Variants in DNAH11 observed in about 807,000 individuals in gnomAD.
DNAH11 encodes axonemal beta dynein heavy chain 11.
DNAH11 carries 442 observed loss-of-function variants against 526.0 expected under a neutral mutation model. The observed-to-expected ratio is 0.84, with a 90% CI of 0.78 to 0.91. The LOEUF (loss-of-function observed/expected upper bound fraction) is 0.91. Ranked by LOEUF, DNAH11 falls within the 40% of genes least tolerant of loss-of-function variation. The pLI is 0.00. For missense variants in DNAH11, 6,989 were observed against 5,448.7 expected (o/e 1.28, Z -8.90); for synonymous variants, 2,461 against 1,935.9 (o/e 1.27, Z -7.12).
intron 51 of DNAH11, among the ~76,000 whole-genome samples, chr7:21,746,944 G>C (rs765312649): frequency 2.6e-5 from 4 of 152,182 alleles, no homozygotes; most frequent in Non-Finnish European, 5.9e-5. Flanking sequence ...CTGAGGAAAA[G>C]AGTTTTCCCA....
At chr7:21,753,663 T>G (rs868648869) in intron 54 of DNAH11, among the ~76,000 whole-genome samples, 2 of 152,340 alleles carry the variant, frequency 1.3e-5, no homozygotes, top group South Asian at 2.1e-4. Context: ...TTCTAAATTC[T>G]CTGTTCTCTT....
intron 25 of DNAH11, among the ~76,000 whole-genome samples, chr7:21,626,745 C>CTTTTTTTTTTTTT: frequency 1.5e-5 from 1 of 66,386 alleles, no homozygotes; most frequent in Non-Finnish European, 2.7e-5. Flanking sequence ...TTCTGTATGT[C>CTTTTTTTTTTTTT]TTTTTTTTTT....
chr7:21,582,429 A>G (rs1439460699), intron 9 of DNAH11, among the ~76,000 whole-genome samples: 2 of 152,318 alleles, frequency 1.3e-5, no homozygotes, highest in East Asian at 3.9e-4. Flanking sequence ...AACAAATAGC[A>G]ATTTATATAC....
At chr7:21,650,320 T>C (rs982096541) in intron 28 of DNAH11, among the ~76,000 whole-genome samples, 4 of 152,170 alleles carry the variant, frequency 2.6e-5, no homozygotes, top group Admixed American at 1.3e-4. Context: ...GCATGTTCAT[T>C]ATTGAACGTT....
rs1784681432 is a variant in DNAH11 at position 21,591,421 on chromosome 7, C to T, written c.2511C>T (p.Ile837=). ...VERTQKNVKV[I]QQTMRGWARC... ...GCACACAGAAAAACGTGAAGGTGAT[C>T]CAGCAGACCATGAGGGGCTGGGCCA... The change falls in exon 14 of 82, where the codon ATC becomes ATT. Residue 837 remains isoleucine (I), a synonymous_variant. Transcript: ENST00000409508. The T allele has an allele frequency of 2.5e-6, 4 of 1,613,800 alleles. No individual in the cohort carries two copies. The highest frequency in any genetic ancestry group is 3.4e-6 in the Non-Finnish European group (4 of 1,179,882).
intron 65 of DNAH11, among the ~76,000 whole-genome samples, chr7:21,826,352 A>G (rs1790299333): frequency 6.6e-6 from 1 of 152,238 alleles, no homozygotes; most frequent in Non-Finnish European, 1.5e-5. Context: ...ATGGTAAAAT[A>G]AAAATTAGAT....
Position 21,574,620 on chromosome 7 carries a change from A to G in DNAH11, c.1593+2647A>G, listed in dbSNP as rs1227411924. On this transcript the variant is annotated intron_variant, in intron 8 of 81. Transcript: ENST00000409508. ...ACTCTGTCGCCCAGGCTGGAGTGCA[A>G]TGGTGCGATCTTAGCTCACTGCAAC... is the stretch of plus-strand genomic sequence containing the variant. Among the ~76,000 whole-genome samples the G allele has an allele frequency of 4.9e-5, 7 of 142,754 alleles. No individual in the cohort carries two copies. The South Asian group carries it at 6.7e-4, about 14-fold the overall frequency. 93.7% of individuals were successfully genotyped at this position (142,754 alleles called of 152,430 possible).
At chr7:21,559,059 T>G in intron 3 of DNAH11, 61 bp downstream of exon 3, 3 of 1,433,142 alleles carry the variant, frequency 2.1e-6, no homozygotes, top group Non-Finnish European at 2.8e-6. Context: ...GCACGGTGGC[T>G]CATGCCTATA....
At chr7:21,738,897 C>CA (rs1231203238) in intron 47 of DNAH11, 31 bp downstream of exon 47, 2 of 1,486,954 alleles carry the variant, frequency 1.3e-6, no homozygotes, top group Non-Finnish European at 9.0e-7. Context: ...TACTCTCTCC[C>CA]AAAATCTAAT....
At chr7:21,858,951 C>T (rs958679498) in intron 68 of DNAH11, among the ~76,000 whole-genome samples, 1 of 152,132 alleles carries the variant, frequency 6.6e-6, no homozygotes, top group Non-Finnish European at 1.5e-5. Context: ...AACCAGAATG[C>T]TCCAAAATCT....
intron 61 of DNAH11, among the ~76,000 whole-genome samples, chr7:21,799,393 A>G (rs1351904535): frequency 6.6e-6 from 1 of 151,968 alleles, no homozygotes; most frequent in East Asian, 1.9e-4. Flanking sequence ...ACTGGAGTGC[A>G]ATGGCATGAT....
intron 44 of DNAH11, 55 bp downstream of exon 44, chr7:21,720,911 C>T (rs1207740451): frequency 1.9e-6 from 3 of 1,584,632 alleles, no homozygotes; most frequent in South Asian, 2.3e-5. Context: ...GGGACAGGGT[C>T]ATGGGGAGGT....
chr7:21,622,531 A>C (rs1441745856), intron 25 of DNAH11, among the ~76,000 whole-genome samples: 1 of 152,232 alleles, frequency 6.6e-6, no homozygotes, highest in Non-Finnish European at 1.5e-5. Context: ...AAGCCAAAAG[A>C]ACAAGCCTGG....
chr7:21,826,433 A>G (rs915215697), intron 65 of DNAH11, among the ~76,000 whole-genome samples: 1 of 152,208 alleles, frequency 6.6e-6, no homozygotes, highest in Non-Finnish European at 1.5e-5. Context: ...AAGAAAATTA[A>G]GGGGAAAATG....
At chr7:21,622,307 A>G (rs542181486) in intron 25 of DNAH11, among the ~76,000 whole-genome samples, 3,652 of 152,030 alleles carry the variant, frequency 0.024, 137 homozygotes, top group African/African-American at 0.083. Context: ...CCACTGCTCA[A>G]TGAAATAAAA....
chr7:21,604,466 C>T (rs1013078103), intron 18 of DNAH11, among the ~76,000 whole-genome samples: 3 of 152,120 alleles, frequency 2.0e-5, no homozygotes, highest in African/African-American at 7.2e-5. Flanking sequence ...TTAACTGCCC[C>T]TAACTTCCCG....
intron 29 of DNAH11, among the ~76,000 whole-genome samples, chr7:21,658,467 A>G (rs1782111900): frequency 1.3e-5 from 2 of 152,156 alleles, no homozygotes; most frequent in South Asian, 4.1e-4. Context: ...CCAGAGGGGA[A>G]TCTTGGTCTA....
At chr7:21,762,391 A>G (rs983878399) in intron 54 of DNAH11, among the ~76,000 whole-genome samples, 3 of 152,208 alleles carry the variant, frequency 2.0e-5, no homozygotes, top group African/African-American at 7.2e-5. Context: ...GATCTTGTCA[A>G]ATAAAAGATG....
intron 9 of DNAH11, among the ~76,000 whole-genome samples, chr7:21,582,427 G>A (rs936503213): frequency 6.6e-6 from 1 of 152,066 alleles, no homozygotes; most frequent in African/African-American, 2.4e-5. Flanking sequence ...GAAACAAATA[G>A]CAATTTATAT....
Sources: allele counts gnomAD v4.1 joint callset (sites outside exome capture counted in the v4.1 genomes callset), GRCh38; gene constraint gnomAD v4.1.1; transcripts MANE v1.5; gene names NCBI Gene and HGNC (gene_info 2026-07-23, HGNC 2026-07-21).